AP4E1: variants seen among roughly 807,000 people sequenced by gnomAD.
AP4E1 encodes AP-4 complex subunit epsilon-1.
A neutral mutation model predicts 128.2 loss-of-function variants in AP4E1; 56 were observed. That is an observed-to-expected ratio of 0.44 (90% CI 0.35 to 0.55). The LOEUF (loss-of-function observed/expected upper bound fraction) is 0.55. Among genes scored for constraint, AP4E1 ranks in the 20% least tolerant of loss-of-function variants. AP4E1 has a pLI of 0.00. For synonymous variants in AP4E1, 484 were observed against 473.1 expected (o/e 1.02, Z -0.30); for missense variants, 1,324 against 1,307.7 (o/e 1.01, Z -0.19).
chr15:50,958,831 T>C lies in AP4E1; in HGVS notation c.1851+37T>C, dbSNP rs200456068. 3.4e-5 allele frequency: 55 copies of C among 1,596,710 alleles called. No individual in the cohort carries two copies. The East Asian group carries it at 1.2e-3, about 35-fold the overall frequency. ...GTGTTCCATCTTTTTAAAAATTGCGTTGTCATTAAACAGAGTAATTCTTGC... is the reference window on the plus strand; with the variant it reads ...GTGTTCCATCTTTTTAAAAATTGCGCTGTCATTAAACAGAGTAATTCTTGC... On this transcript the variant is annotated intron_variant, in intron 14 of 20. Coordinates refer to ENST00000261842, the MANE Select transcript of AP4E1 (RefSeq NM_007347.5).
intron 15 of AP4E1, among the ~76,000 whole-genome samples, chr15:50,970,503 C>G (rs71471585): frequency 0.14 from 20,943 of 152,168 alleles, 1,586 homozygotes; most frequent in South Asian, 0.19. Flanking sequence ...GGTTCTTTCT[C>G]CCTTTGGGTC....
chr15:50,985,791 C>T lies in AP4E1; in HGVS notation c.2090+1646C>T, dbSNP rs186086963. On this transcript the variant is annotated intron_variant, in intron 16 of 20. Coordinates refer to ENST00000261842, the MANE Select transcript of AP4E1 (RefSeq NM_007347.5). ...TTGGCTTAGGATTGACTTGGCAATG[C>T]GGGCTCTTTTTTGATTCCATATGAA... 5.0e-3 allele frequency among the ~76,000 whole-genome samples: 764 copies of T among 152,202 alleles called. 10 individuals carry two copies. Among genetic ancestry groups the T allele is most frequent in the African/African-American group, 0.018 (737 of 41,536 alleles).
chr15:50,966,531 C>CTTTTTTTT (rs11329556), intron 14 of AP4E1, among the ~76,000 whole-genome samples: 2 of 96,432 alleles, frequency 2.1e-5, no homozygotes, highest in African/African-American at 4.1e-5. Context: ...TCTCAAGAAT[C>CTTTTTTTT]TTTTTTTTTT....
chr15:50,996,012 A>G (rs1423510294), intron 17 of AP4E1, among the ~76,000 whole-genome samples: 2 of 132,206 alleles, frequency 1.5e-5, no homozygotes, highest in Non-Finnish European at 3.1e-5. Flanking sequence ...TTTTTGAGAC[A>G]GAATCTTGCT....
At chr15:50,941,170 GCA>G (rs2141174528) in intron 8 of AP4E1, among the ~76,000 whole-genome samples, 1 of 152,190 alleles carries the variant, frequency 6.6e-6, no homozygotes, top group East Asian at 1.9e-4. Context: ...ACCATGCCTG[GCA>G]CATGGGAGGT....
intron 14 of AP4E1, among the ~76,000 whole-genome samples, chr15:50,960,938 T>C (rs1045051368): frequency 5.3e-5 from 8 of 151,684 alleles, no homozygotes; most frequent in Non-Finnish European, 1.2e-4. Context: ...AACAAAAAAG[T>C]AGACATTATA....
intron 8 of AP4E1, among the ~76,000 whole-genome samples, chr15:50,939,752 T>C (rs1411635519): frequency 6.6e-6 from 1 of 152,194 alleles, no homozygotes; most frequent in African/African-American, 2.4e-5. Context: ...GTAAAACAAT[T>C]TAATAGCAAG....
At position 50,934,248 on chromosome 15, in the gene AP4E1, TTAA is replaced by T. The variant is rs535056688; in HGVS notation, c.870-373_870-371del. On this transcript the variant is annotated intron_variant, in intron 7 of 20. Transcript: ENST00000261842. ...TTCATGGTATCTGGGTAAAATACAG[TTAA>T]TATGCTATCTGAAATAATATGAATA... Among the ~76,000 whole-genome samples the T allele has an allele frequency of 2.9e-4, 44 of 152,208 alleles. No individual in the cohort carries two copies. In the South Asian group the frequency reaches 8.7e-3, roughly 30 times the overall value.
chr15:50,952,241 T>C (rs970875100), intron 13 of AP4E1, among the ~76,000 whole-genome samples: 3 of 151,932 alleles, frequency 2.0e-5, no homozygotes, highest in African/African-American at 7.3e-5. Context: ...CTGGGCGCGG[T>C]GGCTCATGCC....
chr15:50,995,396 CTTCTTT>C (rs967905506), intron 17 of AP4E1, among the ~76,000 whole-genome samples: 2 of 137,294 alleles, frequency 1.5e-5, no homozygotes. Context: ...CTTATTTCAC[CTTCTTT>C]TTTTTTTTTT....
chr15:50,968,417 A>T, intron 15 of AP4E1, 40 bp downstream of exon 15: 1 of 1,424,758 alleles, frequency 7.0e-7, no homozygotes, highest in Non-Finnish European at 9.8e-7. Flanking sequence ...GAGTGTAGGG[A>T]TGTAATTTTT....
At chr15:50,979,690 A>C (rs2140909363) in intron 15 of AP4E1, among the ~76,000 whole-genome samples, 1 of 152,122 alleles carries the variant, frequency 6.6e-6, no homozygotes, top group African/African-American at 2.4e-5. Context: ...ATGTCTGGCT[A>C]ATTTTTGTAT....
chr15:50,934,404 A>G (rs2063878529), intron 7 of AP4E1: 2 of 443,208 alleles, frequency 4.5e-6, no homozygotes, highest in East Asian at 4.0e-5. Context: ...ATTGACATAT[A>G]TATCTCATTG....
chr15:50,950,792 C>T (rs1307709438), intron 13 of AP4E1, among the ~76,000 whole-genome samples: 2 of 152,108 alleles, frequency 1.3e-5, no homozygotes, highest in Admixed American at 6.5e-5. Context: ...CCCTGATAGG[C>T]GCTGGTGTGT....
chr15:50,969,014 T>A (rs958614453), intron 15 of AP4E1, among the ~76,000 whole-genome samples: 8 of 152,092 alleles, frequency 5.3e-5, no homozygotes, highest in African/African-American at 7.2e-5. Flanking sequence ...TCTTTTTTTT[T>A]AATTTACACT....
rs1453686260 is a variant in AP4E1, at chr15:51,004,242, T to C, written c.*1580T>C. 1 of 152,198 alleles carries C rather than the reference T, an allele frequency of 6.6e-6. No homozygotes were observed. The highest frequency in any genetic ancestry group is 6.5e-5 in the Admixed American group (1 of 15,274). 9.4% of individuals were successfully genotyped at this position (152,198 alleles called of 1,614,324 possible). Reference sequence around the variant, plus strand: ...TGTGGTGGACACTGGTAGCTAGCCTTATCAGCTCCCTCCTTATTCCTACCT... The same window carrying C: ...TGTGGTGGACACTGGTAGCTAGCCTCATCAGCTCCCTCCTTATTCCTACCT... On this transcript the variant is annotated 3_prime_UTR_variant, in exon 21 of 21. Transcript: ENST00000261842.
chr15:50,909,695 TG>T (rs2063539874), intron 1 of AP4E1, among the ~76,000 whole-genome samples: 1 of 152,040 alleles, frequency 6.6e-6, no homozygotes, highest in African/African-American at 2.4e-5. Flanking sequence ...TTTTAATTTT[TG>T]TTTTTTTTTG....
intron 8 of AP4E1, among the ~76,000 whole-genome samples, chr15:50,940,716 G>A (rs891720822): frequency 6.6e-6 from 1 of 152,026 alleles, no homozygotes; most frequent in African/African-American, 2.4e-5. Context: ...CATGACTCAT[G>A]CTTTTTCAAA....
At chr15:50,920,901 C>T (rs779969943) in intron 3 of AP4E1, among the ~76,000 whole-genome samples, 1 of 152,128 alleles carries the variant, frequency 6.6e-6, no homozygotes, top group Non-Finnish European at 1.5e-5. Flanking sequence ...CAGGTTCAAG[C>T]GATTTTCCTG....
Sources: allele counts gnomAD v4.1 joint callset (sites outside exome capture counted in the v4.1 genomes callset), GRCh38; gene constraint gnomAD v4.1.1; transcripts MANE v1.5; gene names NCBI Gene and HGNC (gene_info 2026-07-23, HGNC 2026-07-21).